APBB2: variants seen among roughly 807,000 people sequenced by gnomAD.
APBB2 encodes the protein amyloid beta precursor protein binding family B member 2, also known as Fe65-like 1.
A neutral mutation model predicts 82.5 loss-of-function variants in APBB2; 38 were observed. The ratio of observed to expected loss-of-function variants is 0.46; its 90% CI spans 0.36 to 0.60. The LOEUF (loss-of-function observed/expected upper bound fraction) is 0.60. APBB2 is among the 20% of genes least tolerant of loss of function. The probability of loss-of-function intolerance (pLI) is 0.00; values close to 1 mark genes in which losing one functional copy is unlikely to be tolerated. For missense variants in APBB2, 772 were observed against 972.3 expected, an observed-to-expected ratio of 0.79 and a Z score of 2.74; for synonymous variants, 341 against 368.2, an observed-to-expected ratio of 0.93 and a Z score of 0.85.
chr4:40,929,432 T>C (rs953648553), intron 10 of APBB2, among the ~76,000 whole-genome samples: 1 of 152,136 alleles, frequency 6.6e-6, no homozygotes, highest in Non-Finnish European at 1.5e-5. Context: ...CCCAAGTAGC[T>C]GGCACTACAG....
chr4:41,036,917 G>A (rs1042177955), intron 4 of APBB2, among the ~76,000 whole-genome samples: 6 of 152,150 alleles, frequency 3.9e-5, no homozygotes, highest in African/African-American at 9.7e-5. Context: ...AATAACCTGA[G>A]AAGATATCAA....
intron 1 of APBB2, among the ~76,000 whole-genome samples, chr4:41,186,755 ATTAC>A (rs1373177562): frequency 2.6e-5 from 4 of 152,206 alleles, no homozygotes; most frequent in Non-Finnish European, 5.9e-5. Context: ...CACTATTATT[ATTAC>A]TAACTACAAC....
At chr4:41,192,745 T>C (rs1052619816) in intron 1 of APBB2, among the ~76,000 whole-genome samples, 3 of 152,054 alleles carry the variant, frequency 2.0e-5, no homozygotes, top group African/African-American at 7.2e-5. Flanking sequence ...TCCTGATAAA[T>C]GAACAGATTT....
At chr4:40,830,649 T>A in intron 12 of APBB2, 72 bp from the exon 13 acceptor site, 1 of 892,744 alleles carries the variant, frequency 1.1e-6, no homozygotes, top group Non-Finnish European at 1.9e-6. Context: ...GTTATGAAGT[T>A]AACTGAGCTA....
At chr4:40,918,590 T>TG (rs888950758) in intron 10 of APBB2, among the ~76,000 whole-genome samples, 2 of 152,078 alleles carry the variant, frequency 1.3e-5, no homozygotes, top group Non-Finnish European at 2.9e-5. Context: ...ACACGAACAC[T>TG]GGGGGGAGAA....
At chr4:41,157,343 T>C (rs1763734386) in intron 1 of APBB2, among the ~76,000 whole-genome samples, 1 of 152,180 alleles carries the variant, frequency 6.6e-6, no homozygotes, top group South Asian at 2.1e-4. Flanking sequence ...CCCCTTCAAA[T>C]GACCTTCTAA....
At chr4:40,880,222 C>G in intron 12 of APBB2, 3 of 985,422 alleles carry the variant, frequency 3.0e-6, no homozygotes, top group Non-Finnish European at 3.6e-6. Context: ...TGTTCCTTCT[C>G]TTGACCTACT....
At chr4:41,154,684 A>G (rs1194612588) in intron 1 of APBB2, among the ~76,000 whole-genome samples, 4 of 152,168 alleles carry the variant, frequency 2.6e-5, no homozygotes, top group African/African-American at 9.7e-5. Context: ...AGTCACTTAT[A>G]CTGGTTCAGA....
chr4:40,891,588 G>A (rs1338893469), intron 11 of APBB2, among the ~76,000 whole-genome samples: 1 of 152,160 alleles, frequency 6.6e-6, no homozygotes, highest in African/African-American at 2.4e-5. Context: ...TGATGCTCAG[G>A]GAGGCAGAAA....
chr4:41,096,858 G>C (rs933635781), intron 3 of APBB2, among the ~76,000 whole-genome samples: 4 of 152,090 alleles, frequency 2.6e-5, no homozygotes, highest in African/African-American at 9.7e-5. Context: ...ATCTAATTTT[G>C]AAACTCAAAT....
At chr4:41,070,685 A>G (rs1045266578) in intron 3 of APBB2, among the ~76,000 whole-genome samples, 1 of 152,210 alleles carries the variant, frequency 6.6e-6, no homozygotes, top group African/African-American at 2.4e-5. Flanking sequence ...AAGGTGAGGA[A>G]TAGTTTTTTT....
chr4:41,035,515 T>G (rs1221077291), intron 4 of APBB2, among the ~76,000 whole-genome samples: 1 of 152,210 alleles, frequency 6.6e-6, no homozygotes, highest in Admixed American at 6.5e-5. Flanking sequence ...TCTTACATTT[T>G]AGTTTTTGTC....
At chr4:40,841,931 C>A (rs1477326086) in intron 12 of APBB2, among the ~76,000 whole-genome samples, 1 of 152,208 alleles carries the variant, frequency 6.6e-6, no homozygotes, top group South Asian at 2.1e-4. Flanking sequence ...CCACCTACCT[C>A]GGCCTCCCAA....
intron 1 of APBB2, among the ~76,000 whole-genome samples, chr4:41,198,097 A>G: frequency 6.6e-6 from 1 of 151,992 alleles, no homozygotes; most frequent in African/African-American, 2.4e-5. Context: ...AAATTCTATC[A>G]CTCCCCAAGG....
At chr4:40,841,755 C>T (rs2437336) in intron 12 of APBB2, among the ~76,000 whole-genome samples, 67,494 of 151,928 alleles carry the variant, frequency 0.44, 15,456 homozygotes, top group Non-Finnish European at 0.5. Context: ...CTTGGCTCAC[C>T]GCAACCACTG....
rs751903203 is a variant in APBB2 at position 41,013,660 on chromosome 4, A to G, written c.758T>C (p.Leu253Pro). The G allele has an allele frequency of 6.2e-7, 1 of 1,614,180 alleles. No individual in the cohort carries two copies. The highest frequency in any genetic ancestry group is 8.5e-7 in the Non-Finnish European group (1 of 1,180,036). Residue 253 changes from leucine to proline, a missense_variant, in exon 6 of 18, where the codon CTG becomes CCG. By Grantham distance (98) the Leu-to-Pro change is moderately conservative. Coordinates refer to ENST00000508593, the MANE Select transcript of APBB2 (RefSeq NM_004307.2). ...TDCALHRIQN[L>P]APSDEESSWT... ...GCTGGACTCCTCATCGCTCGGTGCCAGGTTCTGGATCCGGTGCAGTGCACA... is the reference window on the plus strand; with the variant it reads ...GCTGGACTCCTCATCGCTCGGTGCCGGGTTCTGGATCCGGTGCAGTGCACA...
intron 11 of APBB2, among the ~76,000 whole-genome samples, chr4:40,891,232 C>G (rs1771930907): frequency 6.6e-6 from 1 of 152,212 alleles, no homozygotes; most frequent in Admixed American, 6.5e-5. Flanking sequence ...TTTCTCAACT[C>G]CTGCACTATC....
At chr4:41,177,846 T>C (rs1770244754) in intron 1 of APBB2, among the ~76,000 whole-genome samples, 1 of 152,202 alleles carries the variant, frequency 6.6e-6, no homozygotes, top group Admixed American at 6.5e-5. Context: ...AATATTTGCA[T>C]TATACTTACC....
intron 6 of APBB2, among the ~76,000 whole-genome samples, chr4:40,999,380 C>T (rs535649474): frequency 6.6e-6 from 1 of 152,184 alleles, no homozygotes; most frequent in African/African-American, 2.4e-5. Flanking sequence ...TAGGTTGAGG[C>T]TGCAGTGAGC....
Sources: allele counts gnomAD v4.1 joint callset (sites outside exome capture counted in the v4.1 genomes callset), GRCh38; gene constraint gnomAD v4.1.1; transcripts MANE v1.5; gene names NCBI Gene and HGNC (gene_info 2026-07-23, HGNC 2026-07-21).